The following FZD3 variants were observed in gnomAD, a reference collection of about 807,000 sequenced individuals.
The protein encoded by FZD3 is frizzled class receptor 3.
A neutral mutation model predicts 60.7 loss-of-function variants in FZD3; 30 were observed. That is an observed-to-expected ratio of 0.49 (90% CI 0.37 to 0.67). The LOEUF is 0.67. Among genes scored for constraint, FZD3 ranks in the 30% least tolerant of loss-of-function variants. FZD3 has a pLI of 0.00. For missense variants in FZD3, 605 were observed against 838.7 expected, an observed-to-expected ratio of 0.72 and a Z score of 3.44; for synonymous variants, 246 against 275.2, an observed-to-expected ratio of 0.89 and a Z score of 1.05.
intron 5 of FZD3, among the ~76,000 whole-genome samples, chr8:28,545,371 T>A (rs1048588427): frequency 1.3e-5 from 2 of 152,198 alleles, no homozygotes; most frequent in African/African-American, 4.8e-5. Context: ...GGTCAGCCTC[T>A]AGTAAGAAGT....
At chr8:28,498,446 A>C (rs1041046611) in intron 1 of FZD3, among the ~76,000 whole-genome samples, 1 of 152,208 alleles carries the variant, frequency 6.6e-6, no homozygotes, top group African/African-American at 2.4e-5. Flanking sequence ...TGGAACTTCA[A>C]CTTACAGCTT....
chr8:28,520,868 T>G, intron 4 of FZD3, 34 bp downstream of exon 4: 1 of 1,389,818 alleles, frequency 7.2e-7, no homozygotes, highest in Non-Finnish European at 9.8e-7. Context: ...GGATCATTTC[T>G]TATGTTGCAA....
intron 7 of FZD3, among the ~76,000 whole-genome samples, chr8:28,556,543 T>C (rs1377330617): frequency 6.6e-6 from 1 of 152,238 alleles, no homozygotes; most frequent in Non-Finnish European, 1.5e-5. Flanking sequence ...GTTATTATTG[T>C]AATTGACAAT....
chr8:28,556,380 G>T (rs574170877), intron 7 of FZD3, among the ~76,000 whole-genome samples: 1 of 152,212 alleles, frequency 6.6e-6, no homozygotes, highest in South Asian at 2.1e-4. Context: ...TTTAGAACAT[G>T]GATCTAGAAT....
At chr8:28,543,138 C>A (rs1310838889) in intron 5 of FZD3, among the ~76,000 whole-genome samples, 1 of 152,190 alleles carries the variant, frequency 6.6e-6, no homozygotes, top group Non-Finnish European at 1.5e-5. Context: ...CACAATTGTT[C>A]TAATTCTGCA....
At chr8:28,496,507 C>T (rs1196859197) in intron 1 of FZD3, among the ~76,000 whole-genome samples, 1 of 151,482 alleles carries the variant, frequency 6.6e-6, no homozygotes, top group African/African-American at 2.4e-5. Context: ...TGCAGCTGTG[C>T]GCAAAAATAA....
Position 28,528,147 on chromosome 8 carries a change from A to G in FZD3, c.1387A>G (p.Ile463Val), listed in dbSNP as rs1440328322. The G allele has an allele frequency of 6.2e-7, 1 of 1,611,598 alleles. No individual in the cohort carries two copies. The highest frequency in any genetic ancestry group is 8.5e-7 in the Non-Finnish European group (1 of 1,178,804). ...WIQERCREYH[I>V]PCPYQVTQMS... ...ACAAGAACGCTGCAGAGAATATCAC[A>G]TTCCATGTCCATATCAGGTAAGGGA... The change falls in exon 5 of 8, where the codon ATT (isoleucine) becomes GTT (valine). Residue 463 changes from isoleucine (I) to valine (V), a missense_variant. Transcript: ENST00000240093.
intron 5 of FZD3, among the ~76,000 whole-genome samples, chr8:28,542,091 C>CTTT (rs61301257): frequency 0.019 from 2,560 of 133,502 alleles, 83 homozygotes; most frequent in Admixed American, 0.073. Context: ...GAATGAAATC[C>CTTT]TTTTTTTTTT....
chr8:28,515,588 T>C (rs1020600157), intron 3 of FZD3, among the ~76,000 whole-genome samples: 1 of 152,196 alleles, frequency 6.6e-6, no homozygotes, highest in Admixed American at 6.5e-5. Flanking sequence ...TTACTGGAGT[T>C]GTATGCATGC....
intron 5 of FZD3, among the ~76,000 whole-genome samples, chr8:28,546,334 G>A (rs1029417279): frequency 3.3e-5 from 5 of 152,238 alleles, no homozygotes; most frequent in East Asian, 1.9e-4. Flanking sequence ...AATGACCATC[G>A]AAATAGGCAG....
intron 5 of FZD3, among the ~76,000 whole-genome samples, chr8:28,545,590 C>A (rs1805275616): frequency 6.6e-6 from 1 of 152,318 alleles, no homozygotes; most frequent in Middle Eastern, 3.4e-3. Flanking sequence ...GTATGTATGT[C>A]CAGCTCAGAC....
At position 28,571,828 on chromosome 8, in the gene FZD3, C is replaced by A. The variant is rs1048582139; in HGVS notation, c.*8817C>A. Reference sequence around the variant, plus strand: ...AAAGAAAAGTTTGACAACTCAAAAACGATTAAATTATCTTATCTTGTTATT... The same window carrying A: ...AAAGAAAAGTTTGACAACTCAAAAAAGATTAAATTATCTTATCTTGTTATT... On this transcript the variant is annotated 3_prime_UTR_variant, in exon 8 of 8. Transcript: ENST00000240093. The A allele has an allele frequency of 6.6e-6, 1 of 152,038 alleles. No homozygotes were observed. Among genetic ancestry groups the A allele is most frequent in the South Asian group, 2.1e-4 (1 of 4,828 alleles). The allele number at this position is 152,038 out of a possible 1,614,324, so 9.4% of individuals were successfully genotyped here.
At chr8:28,511,409 C>T (rs543767851) in intron 3 of FZD3, among the ~76,000 whole-genome samples, 43 of 152,226 alleles carry the variant, frequency 2.8e-4, no homozygotes, top group Non-Finnish European at 4.7e-4. Context: ...TAGCTTGAAC[C>T]GGGAGGCGGA....
chr8:28,494,464 G>A (rs937509476), intron 1 of FZD3, 121 bp downstream of exon 1: 9 of 152,180 alleles, frequency 5.9e-5, no homozygotes, highest in African/African-American at 1.9e-4. Flanking sequence ...GCGCCGAGGA[G>A]CCAGCAGCAG....
chr8:28,496,882 A>G (rs1204427058), intron 1 of FZD3, among the ~76,000 whole-genome samples: 1 of 152,210 alleles, frequency 6.6e-6, no homozygotes, highest in East Asian at 1.9e-4. Context: ...AAAGCATGCA[A>G]ACCTTACAAA....
intron 1 of FZD3, among the ~76,000 whole-genome samples, chr8:28,496,810 A>G (rs1437709043): frequency 6.6e-6 from 1 of 152,220 alleles, no homozygotes; most frequent in Admixed American, 6.5e-5. Context: ...TAACTAGGCT[A>G]TTGGGCCTGA....
chr8:28,506,721 C>T (rs1244554528), intron 3 of FZD3, among the ~76,000 whole-genome samples: 1 of 152,088 alleles, frequency 6.6e-6, no homozygotes, highest in African/African-American at 2.4e-5. Context: ...GGAAAGCTGG[C>T]AGTGAAATAA....
At chr8:28,543,348 C>G (rs886410120) in intron 5 of FZD3, among the ~76,000 whole-genome samples, 1 of 149,508 alleles carries the variant, frequency 6.7e-6, no homozygotes, top group Non-Finnish European at 1.5e-5. Flanking sequence ...CTTCCCAGCT[C>G]TCATTCTTTG....
At chr8:28,526,781 G>A (rs968796950) in intron 4 of FZD3, among the ~76,000 whole-genome samples, 3 of 152,170 alleles carry the variant, frequency 2.0e-5, no homozygotes, top group African/African-American at 4.8e-5. Context: ...ATATAAAACA[G>A]TAAACAGCTA....
Sources: allele counts gnomAD v4.1 joint callset (sites outside exome capture counted in the v4.1 genomes callset), GRCh38; gene constraint gnomAD v4.1.1; transcripts MANE v1.5; gene names NCBI Gene and HGNC (gene_info 2026-07-23, HGNC 2026-07-21).